Variants in CEP192 observed in about 807,000 individuals in gnomAD.
CEP192 encodes the protein centrosomal protein 192, also known as centrosomal protein of 192 kDa.
Under a neutral mutation model 271.8 loss-of-function variants are expected in CEP192, and 151 were observed. The observed-to-expected ratio is 0.56, with a 90% confidence interval of 0.49 to 0.64. CEP192 has a LOEUF of 0.64. CEP192 is among the 30% of genes least tolerant of loss of function. The pLI, the probability that CEP192 is intolerant of heterozygous loss-of-function variation, is 0.00. For synonymous variants in CEP192, 995 were observed against 1,076.5 expected (o/e 0.92, Z 1.48); for missense variants, 2,910 against 3,020.5 (o/e 0.96, Z 0.86).
intron 30 of CEP192, among the ~76,000 whole-genome samples, chr18:13,084,127 A>T (rs2144653453): frequency 6.6e-6 from 1 of 152,284 alleles, no homozygotes; most frequent in Non-Finnish European, 1.5e-5. Context: ...CTCAAACGTC[A>T]TGCTGGGAGA....
chr18:13,116,248 A>C, intron 42 of CEP192, 129 bp from the exon 43 acceptor site: 1 of 930,446 alleles, frequency 1.1e-6, no homozygotes, highest in Non-Finnish European at 1.6e-6. Context: ...TCATTACAAA[A>C]CTTATATTTG....
chr18:13,099,256 G>A lies in CEP192; in HGVS notation c.6558-220G>A, dbSNP rs532431915. Among the ~76,000 whole-genome samples the A allele has an allele frequency of 3.3e-5, 5 of 152,166 alleles. No individual in the cohort carries two copies. The East Asian group carries it at 7.7e-4, about 24-fold the overall frequency. Reference sequence around the variant, plus strand: ...CGCATGAGTTTTGCCCTTGCGTCATGGGTTCATGCTGGTGAGTTCCTTGTA... The same window carrying A: ...CGCATGAGTTTTGCCCTTGCGTCATAGGTTCATGCTGGTGAGTTCCTTGTA... On this transcript the variant is annotated intron_variant, in intron 36 of 44. Coordinates refer to ENST00000506447, the MANE Select transcript of CEP192 (RefSeq NM_032142.4).
At chr18:13,029,632 C>T in intron 9 of CEP192, 31 bp from the exon 10 acceptor site, 2 of 1,321,846 alleles carry the variant, frequency 1.5e-6, no homozygotes, top group Middle Eastern at 1.9e-4. Flanking sequence ...TACTGTTGCT[C>T]TGTTAAAAAA....
intron 21 of CEP192, among the ~76,000 whole-genome samples, chr18:13,061,254 C>T (rs967804101): frequency 2.0e-5 from 3 of 151,716 alleles, no homozygotes; most frequent in Admixed American, 6.6e-5. Context: ...ACCTGAGAGG[C>T]GGAGGTTACA....
chr18:13,008,358 T>G, intron 3 of CEP192, 98 bp from the exon 4 acceptor site: 1 of 841,878 alleles, frequency 1.2e-6, no homozygotes, highest in South Asian at 1.9e-5. Flanking sequence ...CCATTTTTTC[T>G]TTTTAAGAGG....
chr18:13,087,597 A>G lies in CEP192; in HGVS notation c.5944A>G (p.Thr1982Ala), dbSNP rs142831132. The G allele has an allele frequency of 3.0e-5, 47 of 1,583,902 alleles. No individual in the cohort carries two copies. The African/African-American group carries it at 6.1e-4, about 21-fold the overall frequency. ...INNKTATELS[T>A]VYLFGGDEIS... ...TAATAAAACTGCAACAGAACTATCA[A>G]CTGTATACTTATTTGGTGGAGATGA... Residue 1982 changes from threonine to alanine, a missense_variant, in exon 32 of 45, where the codon ACT becomes GCT. By Grantham distance (58) the Thr-to-Ala change is moderately conservative. Coordinates refer to ENST00000506447, the MANE Select transcript of CEP192 (RefSeq NM_032142.4).
chr18:13,120,037 T>C (rs1441554567), intron 44 of CEP192, among the ~76,000 whole-genome samples: 1 of 152,246 alleles, frequency 6.6e-6, no homozygotes, highest in Non-Finnish European at 1.5e-5. Context: ...AATTCTTTTT[T>C]GATGTTATAT....
chr18:13,110,122 G>A (rs1237879266), intron 40 of CEP192, among the ~76,000 whole-genome samples: 3 of 152,086 alleles, frequency 2.0e-5, no homozygotes, highest in Non-Finnish European at 4.4e-5. Context: ...TTCATTCTAA[G>A]ATTTAGTGCA....
chr18:13,103,801 T>C, intron 39 of CEP192: 4 of 615,232 alleles, frequency 6.5e-6, no homozygotes, highest in South Asian at 6.1e-5. Context: ...AGCAATCCCC[T>C]GCCTTAGCCT....
Position 13,071,154 on chromosome 18 carries a change from T to C in CEP192, c.5290T>C (p.Ser1764Pro), listed in dbSNP as rs754234047. ...LSPGPCLDIP[S>P]ILSNKQFLAW... ...ACCTGGACCTTGCTTAGATATTCCATCGATTTTGTCCAACAAACAATTTCT... is the reference window on the plus strand; with the variant it reads ...ACCTGGACCTTGCTTAGATATTCCACCGATTTTGTCCAACAAACAATTTCT... The change falls in exon 28 of 45, where the codon TCG becomes CCG. Residue 1764 changes from serine (S) to proline (P), a missense_variant. By Grantham distance (74) the Ser-to-Pro change is moderately conservative (BLOSUM62 -1). Transcript: ENST00000506447. 8.1e-6 allele frequency: 13 copies of C among 1,614,200 alleles called. No homozygotes were observed. In the South Asian group the frequency reaches 1.3e-4, roughly 16 times the overall value.
At chr18:13,069,986 T>A in intron 27 of CEP192, 130 bp downstream of exon 27, 1 of 571,794 alleles carries the variant, frequency 1.7e-6, no homozygotes, top group Non-Finnish European at 3.1e-6. Context: ...CATGGCGAAA[T>A]CCTGTCTCTA....
At chr18:13,104,407 G>A (rs1166868434) in intron 39 of CEP192, among the ~76,000 whole-genome samples, 1 of 152,074 alleles carries the variant, frequency 6.6e-6, no homozygotes, top group East Asian at 1.9e-4. Flanking sequence ...TCTCTGCCAT[G>A]TATTTTGTGT....
At chr18:13,067,321 C>T (rs2037762850) in intron 21 of CEP192, among the ~76,000 whole-genome samples, 1 of 152,118 alleles carries the variant, frequency 6.6e-6, no homozygotes, top group South Asian at 2.1e-4. Flanking sequence ...TACTGTCAAA[C>T]ATTTCCACAT....
At chr18:13,058,271 T>A (rs1213130655) in intron 20 of CEP192, 1 of 152,306 alleles carries the variant, frequency 6.6e-6, no homozygotes, top group East Asian at 1.9e-4. Context: ...TTCTAGACTC[T>A]AAATCTTCTC....
intron 1 of CEP192, among the ~76,000 whole-genome samples, chr18:12,997,991 C>A (rs1027080881): frequency 6.6e-6 from 1 of 152,178 alleles, no homozygotes; most frequent in Non-Finnish European, 1.5e-5. Context: ...TCCCAAAATG[C>A]TGGGATTACA....
chr18:13,049,133 T>A lies in CEP192; in HGVS notation c.2342T>A (p.Met781Lys). The change falls in exon 16 of 45, where the codon ATG becomes AAG. Residue 781 changes from methionine to lysine, a missense_variant. Transcript: ENST00000506447. ...EKSNGSNALD[M>K]EKYLKKTEVS... Reference sequence around the variant, plus strand: ...AGTAATGGATCCAATGCACTTGATATGGAGAAATACCTTAAAAAAACAGAA... The same window carrying A: ...AGTAATGGATCCAATGCACTTGATAAGGAGAAATACCTTAAAAAAACAGAA... 1.2e-6 allele frequency: 2 copies of A among 1,613,998 alleles called. No individual in the cohort carries two copies. Among genetic ancestry groups the A allele is most frequent in the Non-Finnish European group, 1.7e-6 (2 of 1,179,968 alleles).
Position 13,069,075 on chromosome 18 carries a change from GCC to G in CEP192, c.4963-11_4963-10del. 3 of 1,614,014 alleles carry G rather than the reference GCC, an allele frequency of 1.9e-6. No individual in the cohort carries two copies. The highest frequency in any genetic ancestry group is 2.5e-6 in the Non-Finnish European group (3 of 1,179,906). On this transcript the variant is annotated splice_polypyrimidine_tract_variant and intron_variant, in intron 25 of 44. Coordinates refer to ENST00000506447, the MANE Select transcript of CEP192 (RefSeq NM_032142.4). Reference sequence around the variant, plus strand: ...GACAGTTCGTTGAAATGTCTGTCTTGCCCCATCCTCCAGACGATGCATTTCTT... The same window carrying G: ...GACAGTTCGTTGAAATGTCTGTCTTGCCATCCTCCAGACGATGCATTTCTT...
In CEP192 at chr18:13,124,975, A is replaced by G. The variant is rs2040835254; in HGVS notation, c.*205A>G. ...GTATTGTACTTAACTTTTACAGGTG[A>G]GAAGAGAGTTCTGTGTTTGCATTGA... On this transcript the variant is annotated 3_prime_UTR_variant, in exon 45 of 45. Transcript: ENST00000506447. 2.1e-5 allele frequency: 9 copies of G among 426,578 alleles called. 1 individual carries two copies. In the South Asian group the frequency reaches 2.3e-4, roughly 11 times the overall value. 26.4% of individuals were successfully genotyped at this position (426,578 alleles called of 1,614,324 possible). A position where few individuals can be genotyped will look rare whatever the true frequency, so the allele number is the denominator to read the frequency against.
intron 14 of CEP192, among the ~76,000 whole-genome samples, chr18:13,041,305 TAATC>T (rs1030807374): frequency 3.3e-5 from 5 of 152,168 alleles, no homozygotes; most frequent in East Asian, 1.9e-4. Flanking sequence ...TAGACTATGA[TAATC>T]TATGATAATT....
Sources: allele counts gnomAD v4.1 joint callset (sites outside exome capture counted in the v4.1 genomes callset), GRCh38; gene constraint gnomAD v4.1.1; transcripts MANE v1.5; gene names NCBI Gene and HGNC (gene_info 2026-07-23, HGNC 2026-07-21).